The following AP1G1 variants were observed in gnomAD, a reference collection of about 807,000 sequenced individuals.
AP1G1 encodes the protein adaptor related protein complex 1 subunit gamma 1.
AP1G1 carries 7 observed loss-of-function variants against 108.3 expected under a neutral mutation model. That is an observed-to-expected ratio of 0.06 (90% confidence interval 0.04 to 0.12). The LOEUF is 0.12. Ranked by LOEUF, AP1G1 falls within the 10% of genes least tolerant of loss-of-function variation. The pLI, the probability that AP1G1 is intolerant of heterozygous loss-of-function variation, is 1.00. For missense variants in AP1G1, 756 were observed against 1,010.7 expected (o/e 0.75, Z 3.42); for synonymous variants, 379 against 353.5 (o/e 1.07, Z -0.81).
At chr16:71,776,616 A>T (rs2031787765) in intron 2 of AP1G1, among the ~76,000 whole-genome samples, 1 of 152,230 alleles carries the variant, frequency 6.6e-6, no homozygotes, top group South Asian at 2.1e-4. Flanking sequence ...ATGTTCCAAG[A>T]ATCAGATATC....
chr16:71,759,123 C>G (rs899597803), intron 10 of AP1G1, among the ~76,000 whole-genome samples: 1 of 152,102 alleles, frequency 6.6e-6, no homozygotes, highest in Non-Finnish European at 1.5e-5. Context: ...CCAGGAGGTG[C>G]TTTGGATTTT....
intron 2 of AP1G1, among the ~76,000 whole-genome samples, chr16:71,787,275 C>T (rs928439860): frequency 2.8e-5 from 4 of 145,080 alleles, no homozygotes; most frequent in African/African-American, 5.2e-5. Context: ...GCCGAGATCA[C>T]GCCACTGGAC....
intron 2 of AP1G1, among the ~76,000 whole-genome samples, chr16:71,788,019 C>G (rs560099395): frequency 6.6e-6 from 1 of 152,204 alleles, no homozygotes; most frequent in South Asian, 2.1e-4. Flanking sequence ...ATCAATTTTT[C>G]TTTGGGAAAT....
intron 21 of AP1G1, among the ~76,000 whole-genome samples, chr16:71,737,580 C>T (rs761148505): frequency 8.5e-5 from 13 of 152,234 alleles, no homozygotes; most frequent in Non-Finnish European, 1.9e-4. Flanking sequence ...ATACCGTGTC[C>T]AGCTAACTGC....
intron 2 of AP1G1, among the ~76,000 whole-genome samples, chr16:71,780,417 C>T (rs753243162): frequency 3.3e-5 from 5 of 151,400 alleles, no homozygotes; most frequent in Non-Finnish European, 7.4e-5. Context: ...GCTTGAGCCT[C>T]CTGTTGAAGG....
At chr16:71,805,732 TTTG>T in intron 1 of AP1G1, among the ~76,000 whole-genome samples, 1 of 152,326 alleles carries the variant, frequency 6.6e-6, no homozygotes, top group South Asian at 2.1e-4. Context: ...ACTTTTTAAA[TTTG>T]TATAAATTAA....
At chr16:71,767,454 C>T (rs574878975) in intron 6 of AP1G1, among the ~76,000 whole-genome samples, 8 of 152,270 alleles carry the variant, frequency 5.3e-5, no homozygotes, top group Admixed American at 3.9e-4. Flanking sequence ...ACTGAAAGCT[C>T]AGCAGTACAT....
chr16:71,774,057 G>A (rs1280385013), intron 3 of AP1G1, among the ~76,000 whole-genome samples: 8 of 145,662 alleles, frequency 5.5e-5, no homozygotes, highest in East Asian at 2.1e-4. Context: ...GCGAGACTCC[G>A]TCTCAAAAAG....
intron 13 of AP1G1, among the ~76,000 whole-genome samples, chr16:71,750,732 AAAG>A (rs1460095895): frequency 1.3e-5 from 2 of 152,050 alleles, no homozygotes; most frequent in African/African-American, 4.8e-5. Context: ...ATTGTTTTTA[AAAG>A]AAGAATACCA....
intron 9 of AP1G1, among the ~76,000 whole-genome samples, chr16:71,763,181 A>T (rs1461931000): frequency 6.6e-6 from 1 of 152,204 alleles, no homozygotes. Context: ...AGCAACAGGG[A>T]GAGACCCTGT....
intron 11 of AP1G1, chr16:71,758,578 T>C: frequency 1.7e-6 from 1 of 599,414 alleles, no homozygotes; most frequent in Middle Eastern, 2.7e-4. Context: ...CAGTGTGCAC[T>C]TAAGTATTCT....
At chr16:71,777,106 C>CAAAAAAA (rs57955419) in intron 2 of AP1G1, among the ~76,000 whole-genome samples, 2 of 48,060 alleles carry the variant, frequency 4.2e-5, no homozygotes, top group African/African-American at 8.5e-5. Flanking sequence ...CAAACTGTTA[C>CAAAAAAA]AAAAAAAAAA....
chr16:71,736,117 A>AAAAAAAAAT (rs1555550846), intron 21 of AP1G1, among the ~76,000 whole-genome samples: 29 of 71,620 alleles, frequency 4.0e-4, no homozygotes, highest in South Asian at 1.1e-3. Flanking sequence ...AAAAAAAAAA[A>AAAAAAAAAT]ATATATATAT....
intron 2 of AP1G1, among the ~76,000 whole-genome samples, chr16:71,777,448 G>A (rs1028901740): frequency 6.6e-6 from 1 of 152,104 alleles, no homozygotes; most frequent in Non-Finnish European, 1.5e-5. Flanking sequence ...GTCTGGGAGA[G>A]GTGGAAATGA....
At chr16:71,773,738 T>C (rs113283497) in intron 3 of AP1G1, among the ~76,000 whole-genome samples, 1 of 151,790 alleles carries the variant, frequency 6.6e-6, no homozygotes, top group African/African-American at 2.4e-5. Context: ...AAGTCAAGAG[T>C]TCGAGACCAG....
At chr16:71,753,997 T>C in intron 12 of AP1G1, 110 bp from the exon 13 acceptor site, 1 of 1,021,194 alleles carries the variant, frequency 9.8e-7, no homozygotes, top group Middle Eastern at 2.3e-4. Context: ...CCCAACATCT[T>C]GGGAGGCCGA....
At chr16:71,800,706 C>T (rs1482866212) in intron 1 of AP1G1, among the ~76,000 whole-genome samples, 1 of 151,882 alleles carries the variant, frequency 6.6e-6, no homozygotes, top group African/African-American at 2.4e-5. Context: ...GAGGCTGACG[C>T]AGGAGAATGG....
intron 8 of AP1G1, 83 bp from the exon 9 acceptor site, chr16:71,764,531 G>T: frequency 7.9e-7 from 1 of 1,264,730 alleles, no homozygotes; most frequent in Non-Finnish European, 1.1e-6. Context: ...GAGGCATTTT[G>T]TGATTACAGC....
intron 20 of AP1G1, 36 bp downstream of exon 20, chr16:71,739,198 T>C: frequency 6.2e-7 from 1 of 1,601,576 alleles, no homozygotes; most frequent in Non-Finnish European, 8.6e-7. Context: ...CATTACTCAG[T>C]GCTCCATGTA....
Sources: allele counts gnomAD v4.1 joint callset (sites outside exome capture counted in the v4.1 genomes callset), GRCh38; gene constraint gnomAD v4.1.1; transcripts MANE v1.5; gene names NCBI Gene and HGNC (gene_info 2026-07-23, HGNC 2026-07-21).